Variants in SLC35D4 observed in about 807,000 individuals in gnomAD.
SLC35D4 encodes the protein solute carrier family 35 member D4.
chr18:23,373,043 G>A, the SLC35D4 span, among the ~76,000 whole-genome samples: 1 of 152,194 alleles, frequency 6.6e-6, no homozygotes, highest in Non-Finnish European at 1.5e-5. Context: ...GCCAGGCACA[G>A]TGGCTCACGC....
the SLC35D4 span, among the ~76,000 whole-genome samples, chr18:23,384,793 CA>C: frequency 6.6e-6 from 1 of 152,172 alleles, no homozygotes; most frequent in African/African-American, 2.4e-5. Flanking sequence ...TTCATATCAA[CA>C]ATATTCCCAC....
At chr18:23,402,411 T>C in the SLC35D4 span, among the ~76,000 whole-genome samples, 1 of 152,150 alleles carries the variant, frequency 6.6e-6, no homozygotes, top group African/African-American at 2.4e-5. Context: ...CGGACACCAG[T>C]CAACAATCCA....
the SLC35D4 span, among the ~76,000 whole-genome samples, chr18:23,256,330 T>C: frequency 6.6e-6 from 1 of 152,208 alleles, no homozygotes; most frequent in African/African-American, 2.4e-5. Flanking sequence ...CAGCCCTGTT[T>C]AGATACACAG....
chr18:23,327,956 A>T, the SLC35D4 span, among the ~76,000 whole-genome samples: 2 of 152,216 alleles, frequency 1.3e-5, no homozygotes, highest in African/African-American at 4.8e-5. Flanking sequence ...CAAAAACCAC[A>T]TGATTATCTC....
the SLC35D4 span, among the ~76,000 whole-genome samples, chr18:23,408,243 C>T: frequency 1.3e-5 from 2 of 152,080 alleles, no homozygotes; most frequent in African/African-American, 4.8e-5. Flanking sequence ...TATGCACTTA[C>T]ATTTTCATGT....
the SLC35D4 span, among the ~76,000 whole-genome samples, chr18:23,397,085 G>A: frequency 6.6e-6 from 1 of 152,016 alleles, no homozygotes; most frequent in African/African-American, 2.4e-5. Flanking sequence ...GTACCTCTTT[G>A]TGTGTGTGTG....
the SLC35D4 span, among the ~76,000 whole-genome samples, chr18:23,326,592 CAAT>C: frequency 6.6e-6 from 1 of 152,168 alleles, no homozygotes; most frequent in Non-Finnish European, 1.5e-5. Context: ...GACTCCCACA[CAAT>C]AATAATGGGA....
At chr18:23,436,532 C>T in the SLC35D4 span, among the ~76,000 whole-genome samples, 1 of 152,196 alleles carries the variant, frequency 6.6e-6, no homozygotes, top group African/African-American at 2.4e-5. Context: ...GTGGCTCACA[C>T]CTGTAATCTC....
chr18:23,392,229 T>C, the SLC35D4 span, among the ~76,000 whole-genome samples: 2 of 152,190 alleles, frequency 1.3e-5, no homozygotes, highest in Non-Finnish European at 2.9e-5. Context: ...TGAGCCACCA[T>C]GCTGGCCCTT....
At chr18:23,270,521 A>C in the SLC35D4 span, among the ~76,000 whole-genome samples, 3 of 152,204 alleles carry the variant, frequency 2.0e-5, no homozygotes, top group African/African-American at 7.2e-5. Context: ...TCCAGACCCC[A>C]GAATGGTAGA....
the SLC35D4 span, among the ~76,000 whole-genome samples, chr18:23,426,774 A>G: frequency 1.4e-4 from 21 of 152,342 alleles, no homozygotes; most frequent in Middle Eastern, 3.4e-3. Context: ...ACTATACTAC[A>G]AGGCTACAGT....
At chr18:23,400,160 G>T in the SLC35D4 span, among the ~76,000 whole-genome samples, 1 of 152,186 alleles carries the variant, frequency 6.6e-6, no homozygotes, top group Non-Finnish European at 1.5e-5. Flanking sequence ...ACCTGGCATT[G>T]CTGGAATTCT....
chr18:23,338,300 C>CA, the SLC35D4 span, among the ~76,000 whole-genome samples: 1 of 152,160 alleles, frequency 6.6e-6, no homozygotes, highest in South Asian at 2.1e-4. Context: ...CTAGAATAGA[C>CA]AGTCCACAAC....
chr18:23,282,757 G>A, the SLC35D4 span, among the ~76,000 whole-genome samples: 4 of 152,256 alleles, frequency 2.6e-5, no homozygotes, highest in South Asian at 8.3e-4. Flanking sequence ...TTTGGAAGCC[G>A]CTTTAGAATC....
At chr18:23,245,425 C>T in the SLC35D4 span, among the ~76,000 whole-genome samples, 42 of 151,342 alleles carry the variant, frequency 2.8e-4, 1 homozygote, top group Admixed American at 2.0e-3. Context: ...GCACGAGAAT[C>T]GCTTGAACCC....
At chr18:23,335,555 A>G in the SLC35D4 span, among the ~76,000 whole-genome samples, 13 of 152,354 alleles carry the variant, frequency 8.5e-5, no homozygotes, top group African/African-American at 3.1e-4. Flanking sequence ...CCGAACCCCT[A>G]TAGAATAAAT....
At chr18:23,241,235 A>T in the SLC35D4 span, among the ~76,000 whole-genome samples, 2 of 151,718 alleles carry the variant, frequency 1.3e-5, no homozygotes, top group South Asian at 4.2e-4. Flanking sequence ...TTAATTGCTG[A>T]GTGGGCCACG....
At chr18:23,338,967 C>T in the SLC35D4 span, among the ~76,000 whole-genome samples, 1 of 152,140 alleles carries the variant, frequency 6.6e-6, no homozygotes, top group Non-Finnish European at 1.5e-5. Flanking sequence ...ATTGCAGCCT[C>T]AAACTCCTGG....
At chr18:23,360,668 G>T in the SLC35D4 span, among the ~76,000 whole-genome samples, 3 of 152,170 alleles carry the variant, frequency 2.0e-5, no homozygotes, top group Admixed American at 1.3e-4. Context: ...TTTATATCTT[G>T]ATGGGGTATA....
Sources: gnomAD v4.1 joint callset for allele counts (sites outside exome capture counted in the v4.1 genomes callset) on GRCh38, gnomAD v4.1.1 for gene constraint, MANE v1.5 for transcripts, NCBI Gene and HGNC (gene_info 2026-07-23, HGNC 2026-07-21) for gene names.